Variants in NBAS observed in about 807,000 individuals in gnomAD.
The protein encoded by NBAS is NBAS subunit of NRZ tethering complex.
NBAS carries 219 observed loss-of-function variants against 302.5 expected under a neutral mutation model. That is an observed-to-expected ratio of 0.72 (90% CI 0.65 to 0.81). The LOEUF is 0.81. Among genes scored for constraint, NBAS ranks in the 30% least tolerant of loss-of-function variants. NBAS has a pLI of 0.00. For missense variants in NBAS, 2,932 were observed against 2,841.6 expected, an observed-to-expected ratio of 1.03 and a Z score of -0.72; for synonymous variants, 1,118 against 1,021.6, an observed-to-expected ratio of 1.09 and a Z score of -1.80.
the NBAS span, among the ~76,000 whole-genome samples, chr2:15,034,568 A>T: frequency 1.3e-5 from 2 of 152,158 alleles, no homozygotes; most frequent in South Asian, 4.1e-4. Flanking sequence ...GCAAAGAAAA[A>T]TATCCAACTA....
chr2:15,096,178 A>G, the NBAS span, among the ~76,000 whole-genome samples: 1 of 152,246 alleles, frequency 6.6e-6, no homozygotes. Context: ...AAGGCTGAAC[A>G]GTTGTCCTTC....
chr2:15,537,211 T>C (rs1663561809), intron 7 of NBAS, among the ~76,000 whole-genome samples: 1 of 152,182 alleles, frequency 6.6e-6, no homozygotes, highest in Non-Finnish European at 1.5e-5. Context: ...CAGGAAAAAT[T>C]CTTTGCCCTC....
intron 51 of NBAS, among the ~76,000 whole-genome samples, chr2:15,172,360 T>C (rs190547865): frequency 3.2e-4 from 49 of 152,360 alleles, no homozygotes; most frequent in Middle Eastern, 3.4e-3. Context: ...CTTTCACATG[T>C]GAAGGATTCT....
chr2:15,542,139 C>A, intron 6 of NBAS, among the ~76,000 whole-genome samples: 1 of 83,790 alleles, frequency 1.2e-5, no homozygotes, highest in African/African-American at 4.3e-5. Flanking sequence ...CCCAACAGCT[C>A]ATTGAGAACG....
Position 15,232,523 on chromosome 2 carries a change from G to C in NBAS, c.6147-12C>G, listed in dbSNP as rs1195651255. ...CAGCACTGCCACCACTGTGAAAAGA[G>C]AGATAAACTGATTCAGAAAAGGATC... On this transcript the variant is annotated splice_polypyrimidine_tract_variant and intron_variant, in intron 46 of 51. Coordinates refer to ENST00000281513, the MANE Select transcript of NBAS (RefSeq NM_015909.4). The C allele has an allele frequency of 2.5e-6, 4 of 1,608,412 alleles. No homozygotes were observed. Among genetic ancestry groups the C allele is most frequent in the Non-Finnish European group, 3.4e-6 (4 of 1,176,050 alleles).
At chr2:15,201,596 T>C (rs1665881386) in intron 48 of NBAS, among the ~76,000 whole-genome samples, 1 of 152,220 alleles carries the variant, frequency 6.6e-6, no homozygotes, top group Admixed American at 6.5e-5. Flanking sequence ...AATTATAGTC[T>C]GAATTATTGC....
At chr2:15,194,271 C>G (rs1464175538) in intron 48 of NBAS, among the ~76,000 whole-genome samples, 1 of 152,026 alleles carries the variant, frequency 6.6e-6, no homozygotes, top group Non-Finnish European at 1.5e-5. Flanking sequence ...TAATTTGAAA[C>G]TTGAAAAGTA....
the NBAS span, among the ~76,000 whole-genome samples, chr2:14,939,191 C>A: frequency 6.6e-6 from 1 of 152,252 alleles, no homozygotes; most frequent in African/African-American, 2.4e-5. Flanking sequence ...TTGGCCATAA[C>A]ATAGAGGTTC....
intron 9 of NBAS, among the ~76,000 whole-genome samples, chr2:15,529,143 A>C (rs1295722760): frequency 6.6e-6 from 1 of 151,980 alleles, no homozygotes; most frequent in African/African-American, 2.4e-5. Flanking sequence ...CTTTTTAAGA[A>C]ACATATTCGA....
intron 12 of NBAS, among the ~76,000 whole-genome samples, chr2:15,480,171 C>A (rs940342589): frequency 3.9e-5 from 6 of 151,924 alleles, no homozygotes; most frequent in Admixed American, 6.6e-5. Flanking sequence ...AAGACCTCAT[C>A]TCCCCAAAAA....
chr2:15,410,921 C>T (rs112446560), intron 25 of NBAS, among the ~76,000 whole-genome samples: 1,697 of 152,292 alleles, frequency 0.011, 28 homozygotes, highest in African/African-American at 0.038. Context: ...GGCATCTTCT[C>T]GTGGGTCTCC....
intron 11 of NBAS, among the ~76,000 whole-genome samples, chr2:15,492,877 C>G (rs1051976318): frequency 6.6e-6 from 1 of 152,184 alleles, no homozygotes; most frequent in African/African-American, 2.4e-5. Flanking sequence ...AGAAAATCCA[C>G]GCTAAATTCT....
intron 27 of NBAS, 90 bp downstream of exon 27, chr2:15,396,323 C>T (rs1558301769): frequency 1.6e-5 from 17 of 1,053,902 alleles, no homozygotes; most frequent in Admixed American, 7.7e-5. Context: ...AAAGTAGAAA[C>T]GATGACTCAC....
At chr2:15,226,864 A>G (rs755902898) in intron 47 of NBAS, among the ~76,000 whole-genome samples, 1 of 152,190 alleles carries the variant, frequency 6.6e-6, no homozygotes, top group African/African-American at 2.4e-5. Context: ...AACGTGGACA[A>G]TCTGACTTCC....
At chr2:15,516,671 C>T (rs1306830642) in intron 9 of NBAS, among the ~76,000 whole-genome samples, 19 of 149,776 alleles carry the variant, frequency 1.3e-4, no homozygotes, top group Admixed American at 7.4e-4. Flanking sequence ...TGCAGTGAGC[C>T]GAGATCGCTC....
the NBAS span, among the ~76,000 whole-genome samples, chr2:14,977,866 G>GT: frequency 8.6e-5 from 13 of 151,140 alleles, no homozygotes; most frequent in East Asian, 7.8e-4. Flanking sequence ...AATAGGGATT[G>GT]TTTTTTTTTA....
intron 1 of NBAS, among the ~76,000 whole-genome samples, chr2:15,560,564 C>A (rs1478833531): frequency 6.6e-6 from 1 of 152,074 alleles, no homozygotes; most frequent in Non-Finnish European, 1.5e-5. Context: ...TCCTTAGCAC[C>A]TAGCACAGCA....
At chr2:15,209,255 T>C (rs536867596) in intron 48 of NBAS, among the ~76,000 whole-genome samples, 1 of 151,916 alleles carries the variant, frequency 6.6e-6, no homozygotes, top group East Asian at 1.9e-4. Flanking sequence ...CATGAAGAAA[T>C]CTAAAACCTG....
At chr2:14,912,872 A>C in the NBAS span, among the ~76,000 whole-genome samples, 5 of 152,292 alleles carry the variant, frequency 3.3e-5, no homozygotes, top group East Asian at 9.6e-4. Flanking sequence ...TATTTTAAAC[A>C]ACGCAAGGCA....
Sources: gnomAD v4.1 joint callset for allele counts (sites outside exome capture counted in the v4.1 genomes callset) on GRCh38, gnomAD v4.1.1 for gene constraint, MANE v1.5 for transcripts, NCBI Gene and HGNC (gene_info 2026-07-23, HGNC 2026-07-21) for gene names.